The following ALCAM variants were observed in gnomAD, a reference collection of about 807,000 sequenced individuals.
ALCAM encodes activated leukocyte cell adhesion molecule, also known as CD166 antigen.
A neutral mutation model predicts 70.9 loss-of-function variants in ALCAM; 30 were observed. That is an observed-to-expected ratio of 0.42 (90% CI 0.32 to 0.57). The LOEUF is 0.57. Among genes scored for constraint, ALCAM ranks in the 20% least tolerant of loss-of-function variants. ALCAM has a pLI of 0.11. For missense variants in ALCAM, 591 were observed against 695.1 expected (o/e 0.85, Z 1.68); for synonymous variants, 249 against 242.5 (o/e 1.03, Z -0.25).
At chr3:105,563,035 A>C (rs1940659748) in intron 14 of ALCAM, among the ~76,000 whole-genome samples, 1 of 151,662 alleles carries the variant, frequency 6.6e-6, no homozygotes, top group Admixed American at 6.6e-5. Context: ...CAAACTTCCA[A>C]CCTCAGGTGA....
intron 1 of ALCAM, among the ~76,000 whole-genome samples, chr3:105,449,671 G>A (rs951150252): frequency 6.6e-6 from 1 of 152,118 alleles, no homozygotes; most frequent in Non-Finnish European, 1.5e-5. Context: ...ACAAAATCCA[G>A]GAACTGTGCC....
At chr3:105,471,961 C>T (rs1019393295) in intron 1 of ALCAM, among the ~76,000 whole-genome samples, 5 of 151,388 alleles carry the variant, frequency 3.3e-5, no homozygotes, top group African/African-American at 1.2e-4. Context: ...CCAATGACTA[C>T]CCCAGCCTCT....
intron 1 of ALCAM, among the ~76,000 whole-genome samples, chr3:105,500,487 T>G (rs1045542349): frequency 2.0e-5 from 3 of 152,324 alleles, no homozygotes; most frequent in East Asian, 1.9e-4. Flanking sequence ...TATTTAAAAT[T>G]TAATATACGA....
In ALCAM at chr3:105,367,344, C is replaced by G; in HGVS notation, c.-65C>G. ...CCGCCAGCGCGCGGGCACCGCGGGG[C>G]CCGGGACGACGCCCCCTCCTGCGGC... On this transcript the variant is annotated 5_prime_UTR_variant, in exon 1 of 16. Transcript: ENST00000306107. 1 of 1,569,530 alleles carries G rather than the reference C, an allele frequency of 6.4e-7. No individual in the cohort carries two copies.
At chr3:105,418,992 G>A (rs1413049305) in intron 1 of ALCAM, among the ~76,000 whole-genome samples, 1 of 151,528 alleles carries the variant, frequency 6.6e-6, no homozygotes, top group Non-Finnish European at 1.5e-5. Context: ...TTGAGCAATT[G>A]ATACATCCTA....
intron 1 of ALCAM, among the ~76,000 whole-genome samples, chr3:105,420,396 A>G (rs974712348): frequency 1.3e-5 from 2 of 151,748 alleles, no homozygotes; most frequent in African/African-American, 4.8e-5. Flanking sequence ...GCACACTGGT[A>G]TCTACTAAAA....
intron 1 of ALCAM, among the ~76,000 whole-genome samples, chr3:105,475,500 G>A (rs1410560304): frequency 6.6e-6 from 1 of 151,880 alleles, no homozygotes; most frequent in East Asian, 1.9e-4. Context: ...CCTTTAAAAT[G>A]GTCTTTACTG....
rs139673330 is a variant in ALCAM at position 105,511,957 on chromosome 3, T to A, written c.74-8110T>A. 1.6e-3 allele frequency among the ~76,000 whole-genome samples: 246 copies of A among 152,104 alleles called. 2 individuals carry two copies. The highest frequency in any genetic ancestry group is 5.7e-3 in the African/African-American group (238 of 41,526). ...CAATTATAACACAGCATTTTCTAAGTCTGTAATTCTAATACTATTGAATAT... is the reference window on the plus strand; with the variant it reads ...CAATTATAACACAGCATTTTCTAAGACTGTAATTCTAATACTATTGAATAT... On this transcript the variant is annotated intron_variant, in intron 1 of 15. Transcript: ENST00000306107.
At chr3:105,572,596 C>A (rs13315918) in intron 15 of ALCAM, among the ~76,000 whole-genome samples, 2 of 152,186 alleles carry the variant, frequency 1.3e-5, no homozygotes, top group East Asian at 1.9e-4. Flanking sequence ...TGGCTATATA[C>A]GCAGTAATGG....
At chr3:105,479,835 C>T (rs1313922758) in intron 1 of ALCAM, among the ~76,000 whole-genome samples, 1 of 152,060 alleles carries the variant, frequency 6.6e-6, no homozygotes, top group Non-Finnish European at 1.5e-5. Flanking sequence ...CCCTTAAAAT[C>T]CAATTACACA....
At chr3:105,451,802 C>A (rs1898655) in intron 1 of ALCAM, among the ~76,000 whole-genome samples, 22,771 of 152,086 alleles carry the variant, frequency 0.15, 1,819 homozygotes, top group Middle Eastern at 0.18. Context: ...AGTATAAAAC[C>A]ATATTGGCAA....
chr3:105,498,595 C>G (rs550977303), intron 1 of ALCAM, among the ~76,000 whole-genome samples: 1 of 152,006 alleles, frequency 6.6e-6, no homozygotes, highest in African/African-American at 2.4e-5. Flanking sequence ...AGGTATTAGT[C>G]TTGTTCCATT....
chr3:105,565,259 T>C (rs1021780687), intron 14 of ALCAM, among the ~76,000 whole-genome samples: 3 of 152,326 alleles, frequency 2.0e-5, no homozygotes, highest in African/African-American at 7.2e-5. Flanking sequence ...TTCATAAGAC[T>C]CCTGGTATAC....
intron 1 of ALCAM, among the ~76,000 whole-genome samples, chr3:105,504,881 C>T (rs545901906): frequency 6.6e-6 from 1 of 152,316 alleles, no homozygotes; most frequent in South Asian, 2.1e-4. Flanking sequence ...TCTTCCCTTC[C>T]CCCTTCTGTA....
intron 1 of ALCAM, among the ~76,000 whole-genome samples, chr3:105,416,030 G>A (rs1936498843): frequency 6.6e-6 from 1 of 151,954 alleles, no homozygotes; most frequent in Non-Finnish European, 1.5e-5. Flanking sequence ...AAAGCTCTTT[G>A]GGGCAGTCTT....
At chr3:105,563,317 C>CTT (rs1326865806) in intron 14 of ALCAM, among the ~76,000 whole-genome samples, 2 of 149,120 alleles carry the variant, frequency 1.3e-5, no homozygotes, top group Non-Finnish European at 3.0e-5. Flanking sequence ...TTTTATCTTT[C>CTT]TTAGTCTTTA....
At chr3:105,557,629 T>C (rs1353518061) in intron 14 of ALCAM, among the ~76,000 whole-genome samples, 1 of 152,162 alleles carries the variant, frequency 6.6e-6, no homozygotes, top group Non-Finnish European at 1.5e-5. Context: ...TGTCCCATCA[T>C]CTACCCTAAA....
At chr3:105,525,907 A>G (rs1348458590) in intron 3 of ALCAM, among the ~76,000 whole-genome samples, 1 of 152,242 alleles carries the variant, frequency 6.6e-6, no homozygotes, top group Non-Finnish European at 1.5e-5. Flanking sequence ...GCCTGTTTCC[A>G]TAAAACATCC....
chr3:105,572,469 A>T (rs919140359), intron 15 of ALCAM, among the ~76,000 whole-genome samples: 2 of 152,106 alleles, frequency 1.3e-5, no homozygotes, highest in Non-Finnish European at 2.9e-5. Flanking sequence ...ACATTTTCTT[A>T]ATCCAGTCGA....
Sources: gnomAD v4.1 joint callset for allele counts (sites outside exome capture counted in the v4.1 genomes callset) on GRCh38, gnomAD v4.1.1 for gene constraint, MANE v1.5 for transcripts, NCBI Gene and HGNC (gene_info 2026-07-23, HGNC 2026-07-21) for gene names.